Variants in ELAVL2 observed in about 807,000 individuals in gnomAD.
ELAVL2 encodes the protein ELAV-like protein 2.
ELAVL2 carries 4 observed loss-of-function variants against 34.6 expected under a neutral mutation model. The ratio of observed to expected loss-of-function variants is 0.12; its 90% CI spans 0.06 to 0.26. The LOEUF is 0.26. Among genes scored for constraint, ELAVL2 ranks in the 10% least tolerant of loss-of-function variants. ELAVL2 has a pLI of 1.00. For synonymous variants in ELAVL2, 193 were observed against 154.8 expected, an observed-to-expected ratio of 1.25 and a Z score of -1.83; for missense variants, 432 against 442.8, an observed-to-expected ratio of 0.98 and a Z score of 0.22.
chr9:23,839,648 A>C, the ELAVL2 span, among the ~76,000 whole-genome samples: 10 of 152,302 alleles, frequency 6.6e-5, no homozygotes, highest in South Asian at 2.1e-3. Flanking sequence ...TTTTATAAGA[A>C]ACTGACCTGA....
chr9:23,697,149 G>T (rs1357779196), intron 5 of ELAVL2, among the ~76,000 whole-genome samples: 1 of 151,846 alleles, frequency 6.6e-6, no homozygotes, highest in Non-Finnish European at 1.5e-5. Flanking sequence ...GATTAGACTG[G>T]ATAACCTGCT....
intron 5 of ELAVL2, among the ~76,000 whole-genome samples, chr9:23,700,832 C>A (rs1350483543): frequency 2.0e-5 from 3 of 150,444 alleles, no homozygotes; most frequent in South Asian, 2.1e-4. Context: ...AGTGAAGTAA[C>A]AGAAACAGCT....
chr9:23,850,306 G>A, the ELAVL2 span, among the ~76,000 whole-genome samples: 1 of 151,146 alleles, frequency 6.6e-6, no homozygotes, highest in African/African-American at 2.4e-5. Flanking sequence ...TCAACTGCAG[G>A]AGAGGAAAGC....
chr9:23,822,330 A>G (rs986988620), intron 1 of ELAVL2, among the ~76,000 whole-genome samples: 2 of 152,148 alleles, frequency 1.3e-5, no homozygotes, highest in Admixed American at 6.5e-5. Flanking sequence ...GCCTCTCTAG[A>G]GAGAACCTGA....
intron 2 of ELAVL2, among the ~76,000 whole-genome samples, chr9:23,742,324 A>C (rs1443676458): frequency 1.3e-5 from 2 of 152,206 alleles, no homozygotes; most frequent in Non-Finnish European, 2.9e-5. Flanking sequence ...AAGTGTTAAT[A>C]ACTACCACAG....
intron 1 of ELAVL2, among the ~76,000 whole-genome samples, chr9:23,765,831 AT>A (rs2056131003): frequency 6.6e-6 from 1 of 152,130 alleles, no homozygotes; most frequent in African/African-American, 2.4e-5. Context: ...TCAAGTGAAC[AT>A]TTTTTAATAT....
At chr9:23,789,159 G>A (rs1485162872) in intron 1 of ELAVL2, among the ~76,000 whole-genome samples, 1 of 152,092 alleles carries the variant, frequency 6.6e-6, no homozygotes, top group Non-Finnish European at 1.5e-5. Context: ...AGTTTGGCCT[G>A]CTTATTCAGT....
At chr9:23,801,275 T>G (rs1017481746) in intron 1 of ELAVL2, among the ~76,000 whole-genome samples, 6 of 152,206 alleles carry the variant, frequency 3.9e-5, no homozygotes, top group Admixed American at 1.3e-4. Context: ...AAAACTTAAC[T>G]GCTGCTTTAT....
chr9:23,766,849 T>C lies in ELAVL2; in HGVS notation c.-15-4600A>G, dbSNP rs1432795798. 2.0e-5 allele frequency among the ~76,000 whole-genome samples: 3 copies of C among 151,992 alleles called. No individual in the cohort carries two copies. The East Asian group carries it at 5.8e-4, about 29-fold the overall frequency. On this transcript the variant is annotated intron_variant, in intron 1 of 6. Transcript: ENST00000397312. ...CTCTACTCAATCTACCACAGACAAC[T>C]GGGCTGTGTACTATTTATAGATTCC...
intron 1 of ELAVL2, among the ~76,000 whole-genome samples, chr9:23,810,560 T>G (rs549104472): frequency 2.6e-5 from 4 of 152,218 alleles, no homozygotes; most frequent in African/African-American, 9.6e-5. Context: ...CAATACATTC[T>G]CAAACATGAA....
chr9:23,746,841 C>G (rs1225613934), intron 2 of ELAVL2, among the ~76,000 whole-genome samples: 3 of 150,468 alleles, frequency 2.0e-5, no homozygotes, highest in Non-Finnish European at 3.0e-5. Context: ...AAAAAAGCCT[C>G]TCTCATTTCT....
chr9:23,735,635 T>C (rs2047703007), intron 2 of ELAVL2: 2 of 152,242 alleles, frequency 1.3e-5, no homozygotes, highest in Admixed American at 1.3e-4. Context: ...CTATATTCTG[T>C]GCTGCACTGT....
chr9:23,771,211 C>G (rs1169785431), intron 1 of ELAVL2, among the ~76,000 whole-genome samples: 1 of 152,108 alleles, frequency 6.6e-6, no homozygotes, highest in Non-Finnish European at 1.5e-5. Flanking sequence ...TGGATATACC[C>G]AGAAGAAAAC....
intron 1 of ELAVL2, among the ~76,000 whole-genome samples, chr9:23,811,784 G>C (rs2063040554): frequency 6.6e-6 from 1 of 152,164 alleles, no homozygotes; most frequent in South Asian, 2.1e-4. Context: ...GACAGTCACA[G>C]CTTGTCTCTC....
the ELAVL2 span, among the ~76,000 whole-genome samples, chr9:23,837,684 A>G: frequency 1.3e-5 from 2 of 152,286 alleles, no homozygotes; most frequent in African/African-American, 2.4e-5. Flanking sequence ...CAGATGTACA[A>G]TTTTGTAATT....
chr9:23,756,109 T>C (rs192390776), intron 2 of ELAVL2, among the ~76,000 whole-genome samples: 160 of 152,262 alleles, frequency 1.1e-3, no homozygotes, highest in African/African-American at 3.1e-3. Context: ...TCCTATGCCA[T>C]TAAAATAGTT....
chr9:23,758,973 T>C (rs1041217619), intron 2 of ELAVL2, among the ~76,000 whole-genome samples: 1 of 151,910 alleles, frequency 6.6e-6, no homozygotes, highest in Admixed American at 6.6e-5. Context: ...GGAAGGCAAA[T>C]TAATACACCA....
intron 3 of ELAVL2, among the ~76,000 whole-genome samples, chr9:23,708,042 T>C (rs1477706021): frequency 6.9e-6 from 1 of 144,886 alleles, no homozygotes; most frequent in Non-Finnish European, 1.5e-5. Context: ...AGGTCAGTTA[T>C]GTGATTTTTT....
At chr9:23,848,282 TAGA>T in the ELAVL2 span, among the ~76,000 whole-genome samples, 12 of 152,288 alleles carry the variant, frequency 7.9e-5, no homozygotes, top group East Asian at 1.9e-3. Context: ...TATTAGTGGG[TAGA>T]AGAAGGAGAT....
Sources: gnomAD v4.1 joint callset for allele counts (sites outside exome capture counted in the v4.1 genomes callset) on GRCh38, gnomAD v4.1.1 for gene constraint, MANE v1.5 for transcripts, NCBI Gene and HGNC (gene_info 2026-07-23, HGNC 2026-07-21) for gene names.